Variants in SCN1A observed in about 807,000 individuals in gnomAD.
SCN1A encodes sodium voltage-gated channel alpha subunit 1, also known as sodium channel protein type 1 subunit alpha.
A neutral mutation model predicts 193.7 loss-of-function variants in SCN1A; 13 were observed. That is an observed-to-expected ratio of 0.07 (90% CI 0.04 to 0.11). The LOEUF (loss-of-function observed/expected upper bound fraction) is 0.11, where lower values mean the gene tolerates loss of function less well. Among genes scored for constraint, SCN1A ranks in the 10% least tolerant of loss-of-function variants. SCN1A has a pLI of 1.00. For synonymous variants in SCN1A, 781 were observed against 843.6 expected (o/e 0.93, Z 1.29); for missense variants, 1,432 against 2,451.1 (o/e 0.58, Z 8.78).
At position 166,073,421 on chromosome 2, in the gene SCN1A, G is replaced by A. The variant is rs1331936581; in HGVS notation, c.201C>T (p.Asp67=). 6 of 1,614,170 alleles carry A rather than the reference G, an allele frequency of 3.7e-6. 1 individual carries two copies. The South Asian group carries it at 6.6e-5, about 18-fold the overall frequency. Residue 67 remains aspartate (D), a synonymous_variant, in exon 4 of 29, where the codon GAC becomes GAT. Transcript: ENST00000674923. ...GCTCTGACACCATCTCTGGAGGAAT[G>A]TCTCCATAAATAAATGGAAGGTTCT... The part of the protein sequence containing the change: ...AGKNLPFIYG[D]IPPEMVSEPL...
chr2:166,015,084 A>G (rs1209527292), intron 20 of SCN1A, among the ~76,000 whole-genome samples: 1 of 151,878 alleles, frequency 6.6e-6, no homozygotes, highest in Admixed American at 6.6e-5. Flanking sequence ...TATTAGTTGT[A>G]GGAAAAACAT....
chr2:166,051,610 T>G (rs1207149911), intron 9 of SCN1A, 109 bp downstream of exon 9: 2 of 813,928 alleles, frequency 2.5e-6, no homozygotes, highest in Non-Finnish European at 3.9e-6. Flanking sequence ...CAATGTGTGC[T>G]AATCACATCA....
Position 166,104,849 on chromosome 2 carries a change from G to C in SCN1A, c.-142+22075C>G, listed in dbSNP as rs114824149. Among the ~76,000 whole-genome samples, 286 of 152,308 alleles carry C rather than the reference G, an allele frequency of 1.9e-3. 2 individuals carry two copies. Among genetic ancestry groups the C allele is most frequent in the African/African-American group, 6.7e-3 (279 of 41,572 alleles). On this transcript the variant is annotated intron_variant, in intron 2 of 28. Coordinates refer to ENST00000674923, the MANE Select transcript of SCN1A (RefSeq NM_001165963.4). ...AGACATTTGTCTTAGAGCCGATTTGGCTACTTTGTGTTGCCAGTATGCTGT... is the reference window on the plus strand; with the variant it reads ...AGACATTTGTCTTAGAGCCGATTTGCCTACTTTGTGTTGCCAGTATGCTGT...
At chr2:166,110,165 T>C (rs1689140468) in intron 2 of SCN1A, among the ~76,000 whole-genome samples, 1 of 150,836 alleles carries the variant, frequency 6.6e-6, no homozygotes, top group Non-Finnish European at 1.5e-5. Context: ...TATGTAGCCA[T>C]ACAAATAAAA....
chr2:165,995,940 T>A (rs750513494), intron 27 of SCN1A, 73 bp downstream of exon 27: 7 of 1,031,922 alleles, frequency 6.8e-6, no homozygotes, highest in African/African-American at 1.6e-5. Context: ...TGTTAGCTAC[T>A]TTCTTTTTTG....
chr2:166,142,237 T>C (rs16851642), intron 1 of SCN1A, among the ~76,000 whole-genome samples: 6,217 of 152,246 alleles, frequency 0.041, 716 homozygotes, highest in Admixed American at 0.24. Context: ...CATGAAAATA[T>C]CGTGTTGAGA....
intron 2 of SCN1A, among the ~76,000 whole-genome samples, chr2:166,111,977 C>G (rs1689341741): frequency 6.6e-6 from 1 of 152,118 alleles, no homozygotes; most frequent in Admixed American, 6.6e-5. Context: ...AAAGTGATTT[C>G]TTGAAATAGA....
chr2:166,105,180 C>T (rs1443954853), intron 2 of SCN1A, among the ~76,000 whole-genome samples: 1 of 152,154 alleles, frequency 6.6e-6, no homozygotes, highest in Non-Finnish European at 1.5e-5. Flanking sequence ...AATATTTTCA[C>T]TTTTAAAAGG....
At chr2:166,058,980 A>G (rs1464196299) in intron 4 of SCN1A, among the ~76,000 whole-genome samples, 3 of 152,268 alleles carry the variant, frequency 2.0e-5, no homozygotes, top group African/African-American at 7.2e-5. Flanking sequence ...TAAGTGTCTG[A>G]GTTAAATGAA....
intron 19 of SCN1A, 111 bp from the exon 20 acceptor site, chr2:166,015,838 A>G (rs920512563): frequency 7.5e-6 from 9 of 1,204,836 alleles, no homozygotes; most frequent in Non-Finnish European, 1.1e-5. Context: ...TGAGGTAGAG[A>G]TATTTTTAGA....
intron 2 of SCN1A, among the ~76,000 whole-genome samples, chr2:166,100,025 A>G: frequency 1.7e-5 from 2 of 115,408 alleles, no homozygotes; most frequent in South Asian, 3.0e-4. Flanking sequence ...TAAAGTTCAT[A>G]TGGAACCAAA....
chr2:165,996,673 A>C (rs75306015), intron 26 of SCN1A, among the ~76,000 whole-genome samples: 1 of 151,464 alleles, frequency 6.6e-6, no homozygotes, highest in East Asian at 1.9e-4. Context: ...GGGACAGACC[A>C]GTAGGGATAG....
rs1486091347 is a variant in SCN1A, at chr2:166,051,888, C to A, written c.795G>T (p.Gly265=). 1.2e-6 allele frequency: 2 copies of A among 1,612,596 alleles called. No individual in the cohort carries two copies. Among genetic ancestry groups the A allele is most frequent in the Non-Finnish European group, 1.7e-6 (2 of 1,179,032 alleles). Residue 265 remains glycine (G), a synonymous_variant, in exon 9 of 29, where the codon GGG becomes GGT. Coordinates refer to ENST00000674923, the MANE Select transcript of SCN1A (RefSeq NM_001165963.4). The part of the protein sequence containing the change: ...VFCLSVFALI[G]LQLFMGNLRN... ...TCAGGTTGCCCATGAACAGCTGCAG[C>A]CCAATTAGAGCAAATACGCTCAGAC...
intron 2 of SCN1A, chr2:166,104,324 T>C (rs116080289): frequency 1.9e-3 from 284 of 152,346 alleles, no homozygotes; most frequent in African/African-American, 6.7e-3. Context: ...GAACATTGTC[T>C]AATGTTACAG....
In SCN1A at chr2:166,096,356, C is replaced by T. The variant is rs1687379216; in HGVS notation, c.-141-18555G>A. Among the ~76,000 whole-genome samples the T allele has an allele frequency of 2.6e-5, 4 of 152,094 alleles. No homozygotes were observed. In the South Asian group the frequency reaches 8.3e-4, roughly 32 times the overall value. On this transcript the variant is annotated intron_variant, in intron 2 of 28. Transcript: ENST00000674923. ...GGAGTGCAGTGGTGTGAATTCGGCT[C>T]ACTGCAAGCTCCGCCTCCCTGGTTC...
intron 2 of SCN1A, among the ~76,000 whole-genome samples, chr2:166,123,779 GT>G (rs953056351): frequency 6.6e-6 from 1 of 151,690 alleles, no homozygotes; most frequent in African/African-American, 2.4e-5. Context: ...TCTTTGATTT[GT>G]TTTTTTAAAA....
chr2:166,080,823 T>G (rs963853056), intron 2 of SCN1A, among the ~76,000 whole-genome samples: 1 of 151,484 alleles, frequency 6.6e-6, no homozygotes, highest in African/African-American at 2.4e-5. Flanking sequence ...AAATAATAAA[T>G]AAAGATATAA....
chr2:166,052,044 C>G (rs1198009728), intron 8 of SCN1A, 56 bp from the exon 9 acceptor site: 1 of 1,493,014 alleles, frequency 6.7e-7, no homozygotes, highest in African/African-American at 1.4e-5. Context: ...ATAATAAAAG[C>G]TTCACACAAT....
At chr2:166,064,513 G>T (rs1036397577) in intron 4 of SCN1A, among the ~76,000 whole-genome samples, 1 of 152,040 alleles carries the variant, frequency 6.6e-6, no homozygotes, top group African/African-American at 2.4e-5. Context: ...ATGTTATAAT[G>T]ATTTGGTAGA....
Sources: allele counts gnomAD v4.1 joint callset (sites outside exome capture counted in the v4.1 genomes callset), GRCh38; gene constraint gnomAD v4.1.1; transcripts MANE v1.5; gene names NCBI Gene and HGNC (gene_info 2026-07-23, HGNC 2026-07-21).